The following LRP6 variants were observed in gnomAD, a reference collection of about 807,000 sequenced individuals.
LRP6 encodes the protein LDL receptor related protein 6.
In LRP6, 43 loss-of-function variants were observed where a neutral mutation model predicts 184.1. The observed-to-expected ratio is 0.23, with a 90% CI of 0.18 to 0.30. The LOEUF (loss-of-function observed/expected upper bound fraction) is 0.30. LRP6 is among the 10% of genes least tolerant of loss of function. LRP6 has a pLI of 1.00. For synonymous variants in LRP6, 719 were observed against 684.9 expected, an observed-to-expected ratio of 1.05 and a Z score of -0.78; for missense variants, 1,571 against 2,005.3, an observed-to-expected ratio of 0.78 and a Z score of 4.14.
intron 2 of LRP6, among the ~76,000 whole-genome samples, chr12:12,214,102 T>C (rs191080254): frequency 1.4e-4 from 21 of 152,268 alleles, no homozygotes; most frequent in African/African-American, 5.1e-4. Context: ...AACTCCCTGC[T>C]AATACCTATT....
chr12:12,263,447 A>T (rs1865676673), intron 1 of LRP6, among the ~76,000 whole-genome samples: 1 of 151,512 alleles, frequency 6.6e-6, no homozygotes. Flanking sequence ...GCTACTCAGG[A>T]GGCTGAGGCA....
intron 3 of LRP6, among the ~76,000 whole-genome samples, chr12:12,200,418 G>A (rs1863884956): frequency 1.3e-5 from 2 of 152,070 alleles, no homozygotes; most frequent in South Asian, 2.1e-4. Context: ...TTCAAGAGTA[G>A]GATCTACCCG....
At chr12:12,167,382 G>A (rs564595260) in intron 7 of LRP6, among the ~76,000 whole-genome samples, 54 of 152,214 alleles carry the variant, frequency 3.5e-4, no homozygotes, top group African/African-American at 1.0e-3. Flanking sequence ...GGTGGCTCAC[G>A]CCTGTAATCC....
At position 12,220,600 on chromosome 12, in the gene LRP6, T is replaced by G. The variant is rs977783961; in HGVS notation, c.450-17200A>C. 1.7e-4 allele frequency among the ~76,000 whole-genome samples: 3 copies of G among 17,822 alleles called. No homozygotes were observed. In the East Asian group the frequency reaches 0.011, roughly 64 times the overall value. 11.7% of individuals were successfully genotyped at this position (17,822 alleles called of 152,430 possible). A position where few individuals can be genotyped will look rare whatever the true frequency, so the allele number is the denominator to read the frequency against. ...GAACACTAACGCATATTTTTCTTAG[T>G]TTTTTTTTTTTTTTTTGAGACAGGG... On this transcript the variant is annotated intron_variant, in intron 2 of 22. Transcript: ENST00000261349.
Position 12,199,922 on chromosome 12 carries a change from G to A in LRP6, c.647+3281C>T, listed in dbSNP as rs574745655. Among the ~76,000 whole-genome samples, 4 of 117,188 alleles carry A rather than the reference G, an allele frequency of 3.4e-5. No individual in the cohort carries two copies. The South Asian group carries it at 9.0e-4, about 26-fold the overall frequency. The allele number at this position is 117,188 out of a possible 152,430, so 76.9% of individuals were successfully genotyped here. ...GAGGTTGCAGTGAGCTTGAGATCAT[G>A]CCACTGCACTCCCACTTGGGCAACA... On this transcript the variant is annotated intron_variant, in intron 3 of 22. Coordinates refer to ENST00000261349, the MANE Select transcript of LRP6 (RefSeq NM_002336.3).
chr12:12,177,380 G>A (rs1863217918), intron 7 of LRP6, among the ~76,000 whole-genome samples: 1 of 152,166 alleles, frequency 6.6e-6, no homozygotes, highest in South Asian at 2.1e-4. Flanking sequence ...CTTGGAAAAA[G>A]AGGGATTTTT....
chr12:12,197,327 T>G (rs1365470386), intron 3 of LRP6, among the ~76,000 whole-genome samples: 1 of 152,226 alleles, frequency 6.6e-6, no homozygotes, highest in African/African-American at 2.4e-5. Context: ...ATCAGCAATT[T>G]TGCCAGAAAG....
rs185626182 is a variant in LRP6 at position 12,161,134 on chromosome 12, T to A, written c.2279+1059A>T. Among the ~76,000 whole-genome samples, 33 of 152,348 alleles carry A rather than the reference T, an allele frequency of 2.2e-4. No homozygotes were observed. The East Asian group carries it at 6.4e-3, about 29-fold the overall frequency. On this transcript the variant is annotated intron_variant, in intron 10 of 22. Coordinates refer to ENST00000261349, the MANE Select transcript of LRP6 (RefSeq NM_002336.3). ...AAATTTATCTGTCTGGCAGCTAATGTTTAGAGCAAAGATCACCACAATATG... is the reference window on the plus strand; with the variant it reads ...AAATTTATCTGTCTGGCAGCTAATGATTAGAGCAAAGATCACCACAATATG...
At chr12:12,243,809 G>A (rs1232892975) in intron 2 of LRP6, among the ~76,000 whole-genome samples, 2 of 152,126 alleles carry the variant, frequency 1.3e-5, no homozygotes, top group Non-Finnish European at 2.9e-5. Context: ...GGAGTGCAGT[G>A]GTGCGATCTC....
At chr12:12,175,848 T>TG (rs757750642) in intron 7 of LRP6, among the ~76,000 whole-genome samples, 15 of 151,830 alleles carry the variant, frequency 9.9e-5, no homozygotes, top group Non-Finnish European at 2.2e-4. Context: ...ATCAGTTAAA[T>TG]GGGTATATAA....
intron 16 of LRP6, among the ~76,000 whole-genome samples, chr12:12,137,078 TTAC>T (rs1264102484): frequency 1.3e-5 from 2 of 152,196 alleles, no homozygotes; most frequent in Non-Finnish European, 2.9e-5. Context: ...ACTTGTAACT[TTAC>T]TTCTAAATTC....
At position 12,225,065 on chromosome 12, in the gene LRP6, TGTG is replaced by T. The variant is rs1864580891; in HGVS notation, c.449+19194_449+19196del. On this transcript the variant is annotated intron_variant, in intron 2 of 22. Transcript: ENST00000261349. ...ACTAAAAATACAAAAATTAGCCGGT[TGTG>T]GTGGCAGGCACCTGTAATCCCAGCT... Among the ~76,000 whole-genome samples the T allele has an allele frequency of 4.6e-5, 7 of 151,996 alleles. No individual in the cohort carries two copies. In the South Asian group the frequency reaches 1.5e-3, roughly 32 times the overall value.
chr12:12,241,348 C>T (rs547876973), intron 2 of LRP6, among the ~76,000 whole-genome samples: 3 of 152,294 alleles, frequency 2.0e-5, no homozygotes, highest in South Asian at 2.1e-4. Flanking sequence ...AAATGATGTA[C>T]TCTACCTATA....
chr12:12,250,178 C>T (rs1865291914), intron 1 of LRP6, among the ~76,000 whole-genome samples: 1 of 152,190 alleles, frequency 6.6e-6, no homozygotes, highest in Non-Finnish European at 1.5e-5. Flanking sequence ...TTCTGATTCC[C>T]CTTGCCTAAA....
chr12:12,133,481 A>AC (rs901535280), intron 17 of LRP6, among the ~76,000 whole-genome samples: 4 of 151,586 alleles, frequency 2.6e-5, no homozygotes, highest in East Asian at 3.9e-4. Context: ...CTCACTCTTC[A>AC]CCCCCGCCAT....
At chr12:12,186,124 G>A (rs1863467178) in intron 4 of LRP6, among the ~76,000 whole-genome samples, 1 of 151,978 alleles carries the variant, frequency 6.6e-6, no homozygotes, top group South Asian at 2.1e-4. Flanking sequence ...TGGGATTACA[G>A]GCATGAGCCA....
rs188737673 is a variant in LRP6 at position 12,198,858 on chromosome 12, A to G, written c.647+4345T>C. Reference sequence around the variant, plus strand: ...TTCTAATCTTATGTTATCCTTTCACATGTCATATTGGTTCCTCAATGACTT... The same window carrying G: ...TTCTAATCTTATGTTATCCTTTCACGTGTCATATTGGTTCCTCAATGACTT... On this transcript the variant is annotated intron_variant, in intron 3 of 22. Transcript: ENST00000261349. Among the ~76,000 whole-genome samples the G allele has an allele frequency of 2.5e-3, 383 of 151,276 alleles. 1 individual carries two copies. The highest frequency in any genetic ancestry group is 4.1e-3 in the Non-Finnish European group (278 of 67,964).
chr12:12,126,584 A>G lies in LRP6; in HGVS notation c.4312+107T>C, dbSNP rs1297848224. 5.7e-6 allele frequency: 5 copies of G among 872,546 alleles called. No individual in the cohort carries two copies. The Admixed American group carries it at 7.5e-5, about 13-fold the overall frequency. The allele number at this position is 872,546 out of a possible 1,614,324, so 54.1% of individuals were successfully genotyped here. A position where few individuals can be genotyped will look rare whatever the true frequency, so the allele number is the denominator to read the frequency against. ...TGTCCTTATAATTGTTTAAACTCAG[A>G]GTAATATGGTTTCAGACAGACTCTA... is the stretch of plus-strand genomic sequence containing the variant. On this transcript the variant is annotated intron_variant, in intron 20 of 22. Transcript: ENST00000261349.
chr12:12,237,495 G>A (rs1249139913), intron 2 of LRP6, among the ~76,000 whole-genome samples: 4 of 152,074 alleles, frequency 2.6e-5, no homozygotes, highest in Non-Finnish European at 5.9e-5. Flanking sequence ...TAATTGCACA[G>A]CCTCAAATAT....
Sources: allele counts gnomAD v4.1 joint callset (sites outside exome capture counted in the v4.1 genomes callset), GRCh38; gene constraint gnomAD v4.1.1; transcripts MANE v1.5; gene names NCBI Gene and HGNC (gene_info 2026-07-23, HGNC 2026-07-21).